The following MYOCD variants were observed in gnomAD, a reference collection of about 807,000 sequenced individuals.
The protein encoded by MYOCD is myocardin.
MYOCD carries 32 observed loss-of-function variants against 96.1 expected under a neutral mutation model. The ratio of observed to expected loss-of-function variants is 0.33; its 90% confidence interval spans 0.25 to 0.45. MYOCD has a LOEUF of 0.45. Ranked by LOEUF, MYOCD falls within the 20% of genes least tolerant of loss-of-function variation. The pLI is 1.00. For synonymous variants in MYOCD, 469 were observed against 469.0 expected (o/e 1.00, Z 0.00); for missense variants, 1,133 against 1,200.6 (o/e 0.94, Z 0.83).
intron 2 of MYOCD, among the ~76,000 whole-genome samples, chr17:12,707,860 A>G (rs2031349274): frequency 6.6e-6 from 1 of 152,210 alleles, no homozygotes; most frequent in African/African-American, 2.4e-5. Flanking sequence ...AGAAAAGGAG[A>G]AAGGAAAAGA....
In MYOCD at chr17:12,733,865, C is replaced by CA. The variant is rs1280025571; in HGVS notation, c.416-2288dup. Among the ~76,000 whole-genome samples the CA allele has an allele frequency of 1.5e-4, 11 of 73,906 alleles. 1 individual carries two copies. Among genetic ancestry groups the CA allele is most frequent in the East Asian group, 8.9e-4 (2 of 2,256 alleles). 48.5% of individuals were successfully genotyped at this position (73,906 alleles called of 152,430 possible). ...TGGGTGACAGAGCAAGACTCCGTCTCAAAAAAAAGAAAAAAGAAAAAAAGA... is the reference window on the plus strand; with the variant it reads ...TGGGTGACAGAGCAAGACTCCGTCTCAAAAAAAAAGAAAAAAGAAAAAAAGA... On this transcript the variant is annotated intron_variant, in intron 5 of 13. Coordinates refer to ENST00000425538, the MANE Select transcript of MYOCD (RefSeq NM_001146312.3).
chr17:12,714,393 CT>C (rs2031576324), intron 2 of MYOCD, among the ~76,000 whole-genome samples: 1 of 147,180 alleles, frequency 6.8e-6, no homozygotes, highest in Admixed American at 6.9e-5. Context: ...AATTTTTGTG[CT>C]GGCCAAGATT....
chr17:12,729,446 T>C (rs977746822), intron 5 of MYOCD, among the ~76,000 whole-genome samples: 2 of 151,872 alleles, frequency 1.3e-5, no homozygotes, highest in Non-Finnish European at 2.9e-5. Context: ...TCAGGCATCA[T>C]TGAGAGGTGG....
intron 1 of MYOCD, among the ~76,000 whole-genome samples, chr17:12,688,450 CTCCT>C (rs377696717): frequency 9.6e-4 from 146 of 151,706 alleles, no homozygotes; most frequent in South Asian, 9.0e-3. Flanking sequence ...TTCCTTCCAT[CTCCT>C]TCCTTCCTTC....
rs1025323934 is a variant in MYOCD at position 12,750,015 on chromosome 17, A to C, written c.1126-2399A>C. ...CAGGCGCCCGCCATCATGCCCAGCT[A>C]ATTTTTTGTATTTTTAGTAGAGACG... On this transcript the variant is annotated intron_variant, in intron 9 of 13. Coordinates refer to ENST00000425538, the MANE Select transcript of MYOCD (RefSeq NM_001146312.3). Among the ~76,000 whole-genome samples, 4 of 151,804 alleles carry C rather than the reference A, an allele frequency of 2.6e-5. No individual in the cohort carries two copies. In the East Asian group the frequency reaches 7.8e-4, roughly 30 times the overall value.
Position 12,668,088 on chromosome 17 carries a change from T to C in MYOCD, c.55+1845T>C, listed in dbSNP as rs184335519. Among the ~76,000 whole-genome samples the C allele has an allele frequency of 4.5e-3, 680 of 152,366 alleles. 1 individual carries two copies. The highest frequency in any genetic ancestry group is 6.8e-3 in the Middle Eastern group (2 of 294). On this transcript the variant is annotated intron_variant, in intron 1 of 13. Coordinates refer to ENST00000425538, the MANE Select transcript of MYOCD (RefSeq NM_001146312.3). ...TTGAATGGAGGTTATTCTTTCTGGA[T>C]GTAATTACTACTATGGCTGTGCCAG...
At position 12,719,174 on chromosome 17, in the gene MYOCD, CAAAAAAAAAAAAAAAAAA is replaced by C. The variant is rs71144920; in HGVS notation, c.253+1766_253+1783del. Among the ~76,000 whole-genome samples the C allele has an allele frequency of 1.0e-4, 5 of 49,158 alleles. No homozygotes were observed. In the East Asian group the frequency reaches 2.8e-3, roughly 27 times the overall value. The allele number at this position is 49,158 out of a possible 152,430, so 32.2% of individuals were successfully genotyped here. The stretch of plus-strand genomic sequence containing the variant: ...GGGGCCACAGAGGGAGACTCTGTCT[CAAAAAAAAAAAAAAAAAA>C]AAAAAAAAAAAAGACATACAGACTT... On this transcript the variant is annotated intron_variant, in intron 4 of 13. Coordinates refer to ENST00000425538, the MANE Select transcript of MYOCD (RefSeq NM_001146312.3).
chr17:12,737,912 T>G (rs1480181369), intron 6 of MYOCD, among the ~76,000 whole-genome samples: 1 of 152,168 alleles, frequency 6.6e-6, no homozygotes, highest in Non-Finnish European at 1.5e-5. Context: ...AGCTGAATAC[T>G]TGTGTGTTTA....
chr17:12,711,610 C>T (rs1011117272), intron 2 of MYOCD, among the ~76,000 whole-genome samples: 28 of 152,108 alleles, frequency 1.8e-4, no homozygotes, highest in Admixed American at 1.2e-3. Context: ...GCTATGATTC[C>T]AGGCAGGAGC....
intron 1 of MYOCD, chr17:12,672,067 G>A (rs1457894602): frequency 6.6e-6 from 1 of 152,124 alleles, no homozygotes; most frequent in African/African-American, 2.4e-5. Context: ...GTGGTCTTGG[G>A]AATATGTTTA....
intron 1 of MYOCD, among the ~76,000 whole-genome samples, chr17:12,678,647 AAAG>A (rs1001933374): frequency 3.3e-5 from 5 of 152,204 alleles, no homozygotes; most frequent in Admixed American, 1.3e-4. Context: ...CCCCACCAAA[AAAG>A]ATCATATTCA....
At chr17:12,681,145 A>G (rs1290332984) in intron 1 of MYOCD, among the ~76,000 whole-genome samples, 1 of 152,200 alleles carries the variant, frequency 6.6e-6, no homozygotes, top group African/African-American at 2.4e-5. Flanking sequence ...CATGCTTGTG[A>G]CTGCTACCCT....
At chr17:12,756,081 G>A (rs1385933104) in intron 10 of MYOCD, among the ~76,000 whole-genome samples, 1 of 152,114 alleles carries the variant, frequency 6.6e-6, no homozygotes, top group Non-Finnish European at 1.5e-5. Flanking sequence ...GTAGGGGGAT[G>A]GAATGTACAG....
At chr17:12,756,725 A>G (rs1283684282) in intron 11 of MYOCD, among the ~76,000 whole-genome samples, 168 bp downstream of exon 11, 6 of 151,578 alleles carry the variant, frequency 4.0e-5, no homozygotes, top group Non-Finnish European at 8.8e-5. Flanking sequence ...GAATAAAATA[A>G]AAAAATAAAG....
intron 2 of MYOCD, among the ~76,000 whole-genome samples, chr17:12,706,739 A>C (rs561804838): frequency 5.3e-5 from 8 of 152,288 alleles, no homozygotes; most frequent in African/African-American, 1.9e-4. Flanking sequence ...TATATAAATC[A>C]AATGTTCATT....
intron 10 of MYOCD, 57 bp from the exon 11 acceptor site, chr17:12,756,357 G>A: frequency 6.5e-7 from 1 of 1,545,010 alleles, no homozygotes; most frequent in Non-Finnish European, 8.8e-7. Context: ...TGTCAGCAAA[G>A]GTCACACTCA....
Position 12,763,944 on chromosome 17 carries a change from C to G in MYOCD, c.*300C>G. The G allele has an allele frequency of 4.1e-6, 1 of 244,000 alleles. No homozygotes were observed. Among genetic ancestry groups the G allele is most frequent in the East Asian group, 9.3e-5 (1 of 10,722 alleles). The allele number at this position is 244,000 out of a possible 1,614,324, so 15.1% of individuals were successfully genotyped here. On this transcript the variant is annotated 3_prime_UTR_variant, in exon 14 of 14. Transcript: ENST00000425538. Reference sequence around the variant, plus strand: ...TTTCAAAGACCAGTATATTTTCTAGCCCATAATTTTTCTCAGGCATTGTTG... The same window carrying G: ...TTTCAAAGACCAGTATATTTTCTAGGCCATAATTTTTCTCAGGCATTGTTG...
At position 12,744,389 on chromosome 17, in the gene MYOCD, G is replaced by A. The variant is rs751327738; in HGVS notation, c.924G>A (p.Gln308=). 3 of 1,613,892 alleles carry A rather than the reference G, an allele frequency of 1.9e-6. No homozygotes were observed. Among genetic ancestry groups the A allele is most frequent in the African/African-American group, 2.7e-5 (2 of 74,928 alleles). Residue 308 remains glutamine, a synonymous_variant, in exon 8 of 14, where the codon CAG becomes CAA. Transcript: ENST00000425538. The stretch of plus-strand genomic sequence containing the variant: ...AAATCCTCAGCCAGCAGCAGCAGCA[G>A]CAGCAACACCGATTCAGCTACCTAG... ...QLQILSQQQQ[Q]QQHRFSYLGM...
At chr17:12,686,168 C>A (rs552642831) in intron 1 of MYOCD, among the ~76,000 whole-genome samples, 1 of 152,284 alleles carries the variant, frequency 6.6e-6, no homozygotes, top group East Asian at 1.9e-4. Context: ...AATCTCAGAG[C>A]CCTGAATTTG....
Sources: gnomAD v4.1 joint callset for allele counts (sites outside exome capture counted in the v4.1 genomes callset) on GRCh38, gnomAD v4.1.1 for gene constraint, MANE v1.5 for transcripts, NCBI Gene and HGNC (gene_info 2026-07-23, HGNC 2026-07-21) for gene names.